SCN11A: variants seen among roughly 807,000 people sequenced by gnomAD.
The protein encoded by SCN11A is sodium channel protein type 11 subunit alpha.
SCN11A carries 122 observed loss-of-function variants against 162.2 expected under a neutral mutation model. The ratio of observed to expected loss-of-function variants is 0.75; its 90% CI spans 0.65 to 0.87. The LOEUF (loss-of-function observed/expected upper bound fraction) is 0.87. SCN11A is among the 40% of genes least tolerant of loss of function. The pLI, the probability that SCN11A is intolerant of heterozygous loss-of-function variation, is 0.00. For missense variants in SCN11A, 2,015 were observed against 2,181.6 expected (o/e 0.92, Z 1.52); for synonymous variants, 758 against 751.5 (o/e 1.01, Z -0.14).
intron 2 of SCN11A, among the ~76,000 whole-genome samples, chr3:39,030,053 T>C (rs766448529): frequency 5.3e-5 from 8 of 152,190 alleles, no homozygotes; most frequent in Non-Finnish European, 1.2e-4. Flanking sequence ...TCAAGAGTGG[T>C]TTATATTCCT....
chr3:38,918,908 A>G (rs559080064), intron 11 of SCN11A, among the ~76,000 whole-genome samples: 1 of 152,304 alleles, frequency 6.6e-6, no homozygotes, highest in African/African-American at 2.4e-5. Flanking sequence ...ATGTGTAGTT[A>G]GGCAATTTTG....
intron 2 of SCN11A, among the ~76,000 whole-genome samples, chr3:38,979,523 A>T (rs9814353): frequency 0.069 from 10,556 of 152,258 alleles, 1,172 homozygotes; most frequent in African/African-American, 0.23. Flanking sequence ...TCCCATTCAC[A>T]CAAGACTGTG....
chr3:38,956,984 A>C (rs1183442545), intron 3 of SCN11A, among the ~76,000 whole-genome samples: 1 of 152,092 alleles, frequency 6.6e-6, no homozygotes, highest in Non-Finnish European at 1.5e-5. Context: ...AATCATGGGG[A>C]GCCCAGAAGG....
At chr3:38,895,652 A>G (rs1341561135) in intron 18 of SCN11A, among the ~76,000 whole-genome samples, 1 of 152,152 alleles carries the variant, frequency 6.6e-6, no homozygotes, top group Non-Finnish European at 1.5e-5. Context: ...CTTTGGAGAG[A>G]AGTGCCTGGT....
chr3:39,021,040 TAA>T (rs372345486), intron 2 of SCN11A, among the ~76,000 whole-genome samples: 4 of 147,690 alleles, frequency 2.7e-5, no homozygotes, highest in African/African-American at 9.9e-5. Flanking sequence ...TAAGATCTGT[TAA>T]AAAAAAAAAT....
chr3:38,954,422 A>G (rs2066657041), intron 3 of SCN11A, among the ~76,000 whole-genome samples: 1 of 152,240 alleles, frequency 6.6e-6, no homozygotes, highest in African/African-American at 2.4e-5. Context: ...CCCTATGCTC[A>G]GTTACAGCAA....
chr3:39,044,524 G>A (rs955553059), intron 1 of SCN11A, among the ~76,000 whole-genome samples: 5 of 151,982 alleles, frequency 3.3e-5, no homozygotes, highest in African/African-American at 7.2e-5. Flanking sequence ...CAGAAACTTC[G>A]AAACTGTGCA....
Position 38,870,673 on chromosome 3 carries a change from G to A in SCN11A, c.3813+18C>T. ...ACTTGACCATAACACTCCAGAACAT[G>A]GTAGAACACTGACTCACCTCTGTGG... On this transcript the variant is annotated intron_variant, in intron 26 of 29. Coordinates refer to ENST00000302328, the MANE Select transcript of SCN11A (RefSeq NM_001349253.2). 1 of 1,608,150 alleles carries A rather than the reference G, an allele frequency of 6.2e-7. No individual in the cohort carries two copies. Among genetic ancestry groups the A allele is most frequent in the Non-Finnish European group, 8.5e-7 (1 of 1,174,684 alleles).
chr3:38,876,764 T>C lies in SCN11A; in HGVS notation c.3393+3186A>G, dbSNP rs530007475. 7.9e-5 allele frequency among the ~76,000 whole-genome samples: 12 copies of C among 152,170 alleles called. 1 individual carries two copies. The East Asian group carries it at 2.3e-3, about 29-fold the overall frequency. On this transcript the variant is annotated intron_variant, in intron 23 of 29. Transcript: ENST00000302328. ...CTACACTGCTGGTGGGAATGTAAAC[T>C]AGTACAACCACTATGGAAAACAATG...
chr3:38,867,022 G>T (rs1484775397), intron 27 of SCN11A, among the ~76,000 whole-genome samples: 2 of 152,166 alleles, frequency 1.3e-5, no homozygotes, highest in African/African-American at 4.8e-5. Flanking sequence ...TAATCCTGGT[G>T]GTTGTTGTTC....
In SCN11A at chr3:38,897,065, T is replaced by A. The variant is rs1420195323; in HGVS notation, c.2183A>T (p.Asn728Ile). Residue 728 changes from asparagine (N) to isoleucine (I), a missense_variant, in exon 18 of 30, where the codon AAT becomes ATT. Physicochemically the swap from Asn to Ile is moderately radical, Grantham distance 149. Coordinates refer to ENST00000302328, the MANE Select transcript of SCN11A (RefSeq NM_001349253.2). ...VGMQLFGRSFNSQKSPKLCNP... is the reference protein window; with the variant it reads ...VGMQLFGRSFISQKSPKLCNP... ...ACAGAGTTTTGGACTCTTTTGGGAA[T>A]TGAAGCTACGGCCAAAAAGCTGCAT... 6 of 1,614,014 alleles carry A rather than the reference T, an allele frequency of 3.7e-6. No homozygotes were observed. Among genetic ancestry groups the A allele is most frequent in the Non-Finnish European group, 5.1e-6 (6 of 1,180,028 alleles).
At chr3:38,920,950 G>A (rs1437378057) in intron 10 of SCN11A, 126 bp downstream of exon 10, 2 of 860,570 alleles carry the variant, frequency 2.3e-6, no homozygotes, top group East Asian at 2.4e-5. Context: ...GGAGCACCCT[G>A]GATGGATGAA....
At chr3:39,036,926 G>C (rs1335330789) in intron 1 of SCN11A, among the ~76,000 whole-genome samples, 1 of 152,170 alleles carries the variant, frequency 6.6e-6, no homozygotes, top group Non-Finnish European at 1.5e-5. Flanking sequence ...GTTCCCTCAA[G>C]AAACTGAAAA....
intron 1 of SCN11A, among the ~76,000 whole-genome samples, chr3:39,035,804 T>A (rs1238674054): frequency 1.3e-5 from 2 of 152,088 alleles, no homozygotes; most frequent in Non-Finnish European, 2.9e-5. Context: ...CACGCCTGGC[T>A]AATTTTTTGT....
At chr3:38,857,091 T>C (rs2064882390) in intron 28 of SCN11A, among the ~76,000 whole-genome samples, 1 of 152,096 alleles carries the variant, frequency 6.6e-6, no homozygotes, top group Admixed American at 6.5e-5. Flanking sequence ...TATGACAAAA[T>C]AGGTTCTATA....
Position 38,886,225 on chromosome 3 carries a change from TGGAGCTCATA to T in SCN11A, c.2839_2848del (p.Tyr947IlefsTer27). Reference sequence around the variant, plus strand: ...GCTCGTGGGCTTCTTGTTCTCCTGATGGAGCTCATAGGCCTAACACAGAGAGCCCAGAATA... The same window carrying T: ...GCTCGTGGGCTTCTTGTTCTCCTGATGGCCTAACACAGAGAGCCCAGAATA... On this transcript the variant is annotated frameshift_variant, in exon 20 of 30. Coordinates refer to ENST00000302328, the MANE Select transcript of SCN11A (RefSeq NM_001349253.2). LOFTEE classifies it high-confidence loss of function. 6.2e-7 allele frequency: 1 copy of T among 1,611,544 alleles called. No individual in the cohort carries two copies. Among genetic ancestry groups the T allele is most frequent in the Non-Finnish European group, 8.5e-7 (1 of 1,178,768 alleles).
chr3:38,947,768 C>T (rs1374287876), intron 5 of SCN11A, among the ~76,000 whole-genome samples: 1 of 152,228 alleles, frequency 6.6e-6, no homozygotes, highest in African/African-American at 2.4e-5. Flanking sequence ...ACCTCCAGAC[C>T]TCCCTTTTTC....
intron 23 of SCN11A, among the ~76,000 whole-genome samples, chr3:38,873,676 T>G (rs2065163892): frequency 2.0e-5 from 3 of 152,192 alleles, no homozygotes. Context: ...ATACACCTCT[T>G]TACCTTAAAC....
chr3:39,036,726 C>T (rs1025659917), intron 1 of SCN11A, among the ~76,000 whole-genome samples: 8 of 152,090 alleles, frequency 5.3e-5, no homozygotes, highest in Middle Eastern at 3.2e-3. Flanking sequence ...AGAAGACATA[C>T]GAATGAAAAG....
Sources: allele counts gnomAD v4.1 joint callset (sites outside exome capture counted in the v4.1 genomes callset), GRCh38; gene constraint gnomAD v4.1.1; transcripts MANE v1.5; gene names NCBI Gene and HGNC (gene_info 2026-07-23, HGNC 2026-07-21).